NHSL1: variants seen among roughly 807,000 people sequenced by gnomAD.
The protein encoded by NHSL1 is NHS like 1, also known as NHS-like protein 1.
Under a neutral mutation model 95.0 loss-of-function variants are expected in NHSL1, and 48 were observed. The observed-to-expected ratio is 0.51, with a 90% CI of 0.40 to 0.64. The LOEUF (loss-of-function observed/expected upper bound fraction) is 0.64, where lower values mean the gene tolerates loss of function less well. NHSL1 is among the 30% of genes least tolerant of loss of function. NHSL1 has a pLI of 0.00. For synonymous variants in NHSL1, 783 were observed against 833.9 expected (o/e 0.94, Z 1.05); for missense variants, 1,971 against 2,077.7 (o/e 0.95, Z 1.00).
intron 1 of NHSL1, among the ~76,000 whole-genome samples, chr6:138,674,551 T>C (rs4895535): frequency 0.16 from 24,194 of 152,180 alleles, 2,095 homozygotes; most frequent in East Asian, 0.36. Context: ...CTCCCACTTA[T>C]AAGTGAGAAC....
intron 1 of NHSL1, among the ~76,000 whole-genome samples, chr6:138,662,496 T>A (rs1392421151): frequency 6.6e-6 from 1 of 152,238 alleles, no homozygotes; most frequent in Non-Finnish European, 1.5e-5. Context: ...CATGATTGAA[T>A]GTATATCCTC....
intron 3 of NHSL1, 55 bp downstream of exon 3, chr6:138,473,251 C>T: frequency 7.1e-7 from 1 of 1,410,094 alleles, no homozygotes; most frequent in Non-Finnish European, 9.3e-7. Context: ...CCACATATAT[C>T]CTTTCTCTGT....
At chr6:138,636,890 TCA>T (rs1748626657) in intron 1 of NHSL1, among the ~76,000 whole-genome samples, 1 of 152,180 alleles carries the variant, frequency 6.6e-6, no homozygotes, top group Non-Finnish European at 1.5e-5. Flanking sequence ...ATGACATTCT[TCA>T]CAGAGATAGA....
chr6:138,613,336 G>A (rs558247384), intron 1 of NHSL1, among the ~76,000 whole-genome samples: 5 of 152,266 alleles, frequency 3.3e-5, no homozygotes, highest in South Asian at 2.1e-4. Flanking sequence ...AACCCCTGAC[G>A]GATGTGTATT....
At chr6:138,502,401 C>T (rs1780733542), upstream of NHSL1, among the ~76,000 whole-genome samples, 1 of 151,270 alleles carries the variant, frequency 6.6e-6, no homozygotes, top group Non-Finnish European at 1.5e-5. Context: ...TTTAATTGTT[C>T]AATTTATACG....
chr6:138,572,195 A>C, exon 1 of NHSL1: 1 of 331,450 alleles, frequency 3.0e-6, no homozygotes, highest in African/African-American at 2.2e-5. Context: ...AAACAAATAA[A>C]AGTATAATTT....
At chr6:138,473,615 C>T (rs1304653389) in intron 2 of NHSL1, among the ~76,000 whole-genome samples, 182 bp from the exon 3 acceptor site, 2 of 152,044 alleles carry the variant, frequency 1.3e-5, no homozygotes, top group Non-Finnish European at 2.9e-5. Flanking sequence ...ACACTACATA[C>T]CATATATCAA....
At position 138,444,435 on chromosome 6, in the gene NHSL1, A is replaced by T. The variant is rs1006338789; in HGVS notation, c.533-2321T>A. On this transcript the variant is annotated intron_variant, in intron 4 of 7. Coordinates refer to ENST00000343505, the MANE Select transcript of NHSL1 (RefSeq NM_001144060.2). ...AGATATTTATATGTACATATTAAGTATTTTTTCCTCCAGTTTTAGAACATG... is the reference window on the plus strand; with the variant it reads ...AGATATTTATATGTACATATTAAGTTTTTTTTCCTCCAGTTTTAGAACATG... Among the ~76,000 whole-genome samples the T allele has an allele frequency of 3.9e-5, 6 of 152,104 alleles. No homozygotes were observed. The South Asian group carries it at 8.3e-4, about 21-fold the overall frequency.
intron 1 of NHSL1, among the ~76,000 whole-genome samples, chr6:138,581,954 G>A (rs1244212937): frequency 6.8e-6 from 1 of 146,024 alleles, no homozygotes; most frequent in African/African-American, 2.5e-5. Flanking sequence ...CTGGAGTGCA[G>A]TGGCGCGATC....
At chr6:138,678,881 T>G (rs1470357161) in intron 1 of NHSL1, among the ~76,000 whole-genome samples, 1 of 152,196 alleles carries the variant, frequency 6.6e-6, no homozygotes, top group Non-Finnish European at 1.5e-5. Context: ...ACTTGCAAAT[T>G]TGCAAAACAA....
intron 1 of NHSL1, among the ~76,000 whole-genome samples, chr6:138,540,868 A>G (rs1456890435): frequency 2.0e-5 from 3 of 152,204 alleles, no homozygotes; most frequent in Non-Finnish European, 4.4e-5. Context: ...ATGAAACTAG[A>G]TTTCTACCTC....
intron 7 of NHSL1, among the ~76,000 whole-genome samples, chr6:138,429,443 G>T (rs780070191): frequency 2.6e-5 from 4 of 152,086 alleles, no homozygotes; most frequent in Non-Finnish European, 5.9e-5. Flanking sequence ...GCCACACTGC[G>T]CTCCTTGCCA....
intron 3 of NHSL1, among the ~76,000 whole-genome samples, chr6:138,472,183 CA>C (rs10668786): frequency 0.081 from 7,440 of 92,376 alleles, 441 homozygotes; most frequent in East Asian, 0.35. Flanking sequence ...AAGATCTCAC[CA>C]AAAAAAAAAA....
At chr6:138,598,915 T>G (rs1784336720) in intron 1 of NHSL1, among the ~76,000 whole-genome samples, 1 of 152,204 alleles carries the variant, frequency 6.6e-6, no homozygotes, top group African/African-American at 2.4e-5. Flanking sequence ...TCTCTTTAAT[T>G]CAGGTTCACC....
At chr6:138,451,870 T>G (rs78761968) in intron 3 of NHSL1, among the ~76,000 whole-genome samples, 3,726 of 152,290 alleles carry the variant, frequency 0.024, 169 homozygotes, top group African/African-American at 0.084. Flanking sequence ...GAATGAAACC[T>G]TTTGAAAAGC....
chr6:138,435,156 A>C (rs1272359047), intron 5 of NHSL1: 1 of 154,500 alleles, frequency 6.5e-6, no homozygotes, highest in Non-Finnish European at 1.5e-5. Context: ...GAAGTGCAAA[A>C]TTTTGCCATT....
intron 1 of NHSL1, 68 bp from the exon 2 acceptor site, chr6:138,496,439 T>C: frequency 6.8e-7 from 1 of 1,465,010 alleles, no homozygotes; most frequent in Admixed American, 2.0e-5. Context: ...TACATCATGA[T>C]GTGTTTCCAT....
Position 138,585,799 on chromosome 6 carries a change from C to T in NHSL1, c.97-89428G>A, listed in dbSNP as rs188454568. Among the ~76,000 whole-genome samples, 33 of 151,832 alleles carry T rather than the reference C, an allele frequency of 2.2e-4. No homozygotes were observed. In the East Asian group the frequency reaches 5.8e-3, roughly 27 times the overall value. ...TGTTAGCTCACACCTATAATCCCAG[C>T]GCTTTGGGAGGCTGAGGTGGGAGGA... On this transcript the variant is annotated intron_variant, in intron 1 of 3. Transcript: ENST00000491526.
rs537848664 is a variant in NHSL1, at chr6:138,479,775, A to T, written c.212-6342T>A. 2.0e-5 allele frequency among the ~76,000 whole-genome samples: 3 copies of T among 152,330 alleles called. No homozygotes were observed. The South Asian group carries it at 6.2e-4, about 32-fold the overall frequency. ...TTGTGATGCTGATAAAAGTACGTGG[A>T]CATTTTTATCACTGACTTCTGTAAT... On this transcript the variant is annotated intron_variant, in intron 2 of 7. Coordinates refer to ENST00000343505, the MANE Select transcript of NHSL1 (RefSeq NM_001144060.2).
Sources: allele counts gnomAD v4.1 joint callset (sites outside exome capture counted in the v4.1 genomes callset), GRCh38; gene constraint gnomAD v4.1.1; transcripts MANE v1.5; gene names NCBI Gene and HGNC (gene_info 2026-07-23, HGNC 2026-07-21).